The following GLIS3 variants were observed in gnomAD, a reference collection of about 807,000 sequenced individuals.
GLIS3 encodes GLIS family zinc finger 3.
A neutral mutation model predicts 78.6 loss-of-function variants in GLIS3; 53 were observed. The ratio of observed to expected loss-of-function variants is 0.67; its 90% confidence interval spans 0.54 to 0.85. The LOEUF (loss-of-function observed/expected upper bound fraction) is 0.85. GLIS3 is among the 40% of genes least tolerant of loss of function. The pLI is 0.00. For synonymous variants in GLIS3, 684 were observed against 509.9 expected, an observed-to-expected ratio of 1.34 and a Z score of -4.60; for missense variants, 1,703 against 1,231.1, an observed-to-expected ratio of 1.38 and a Z score of -5.74.
intron 2 of GLIS3, among the ~76,000 whole-genome samples, chr9:4,318,389 A>G (rs1817471195): frequency 6.6e-6 from 1 of 152,202 alleles, no homozygotes; most frequent in Non-Finnish European, 1.5e-5. Flanking sequence ...CCTCACTAAA[A>G]GGAAGCACGG....
intron 4 of GLIS3, among the ~76,000 whole-genome samples, chr9:4,087,700 T>A (rs1040519725): frequency 2.0e-5 from 3 of 152,174 alleles, no homozygotes; most frequent in African/African-American, 7.2e-5. Flanking sequence ...TTCATATCGG[T>A]GAAAAAATAT....
chr9:3,869,632 A>T (rs1329373066), intron 8 of GLIS3, among the ~76,000 whole-genome samples: 1 of 152,178 alleles, frequency 6.6e-6, no homozygotes, highest in Admixed American at 6.5e-5. Context: ...AAATCAAGGG[A>T]ATTGTTGCTT....
intron 4 of GLIS3, among the ~76,000 whole-genome samples, chr9:4,064,796 T>C (rs1826956044): frequency 6.6e-6 from 1 of 152,186 alleles, no homozygotes; most frequent in South Asian, 2.1e-4. Flanking sequence ...ATTTCCATTT[T>C]CTCATATAGG....
At chr9:3,985,873 C>A (rs1057354445) in intron 4 of GLIS3, among the ~76,000 whole-genome samples, 1 of 152,184 alleles carries the variant, frequency 6.6e-6, no homozygotes, top group African/African-American at 2.4e-5. Flanking sequence ...CCCTCTAGTT[C>A]CTGGCATTCC....
At chr9:4,028,509 A>G (rs1472444331) in intron 4 of GLIS3, among the ~76,000 whole-genome samples, 1 of 152,206 alleles carries the variant, frequency 6.6e-6, no homozygotes, top group Admixed American at 6.5e-5. Context: ...ATTGAGGTAT[A>G]ACATTCATAT....
At chr9:4,266,968 A>C (rs1826068274) in intron 2 of GLIS3, among the ~76,000 whole-genome samples, 1 of 152,234 alleles carries the variant, frequency 6.6e-6, no homozygotes, top group Admixed American at 6.5e-5. Flanking sequence ...GCTGTGATAT[A>C]ACCCGTTTAT....
the GLIS3 span, among the ~76,000 whole-genome samples, chr9:4,403,354 G>C: frequency 3.9e-5 from 6 of 152,142 alleles, no homozygotes; most frequent in African/African-American, 1.4e-4. Context: ...TGACCAAGAA[G>C]AAATCATCTG....
rs530005727 is a variant in GLIS3, at chr9:4,058,851, A to G, written c.1710+58917T>C. ...AAAAAAATTAGCCGGGTTTGGTGGC[A>G]GGTGCCTGTAATCCCAGCTACTGAG... On this transcript the variant is annotated intron_variant, in intron 4 of 10. Coordinates refer to ENST00000381971, the MANE Select transcript of GLIS3 (RefSeq NM_001042413.2). 6.6e-5 allele frequency among the ~76,000 whole-genome samples: 10 copies of G among 152,182 alleles called. No homozygotes were observed. In the East Asian group the frequency reaches 9.7e-4, roughly 15 times the overall value.
chr9:4,190,240 C>A (rs1157236291), intron 2 of GLIS3, among the ~76,000 whole-genome samples: 1 of 152,144 alleles, frequency 6.6e-6, no homozygotes, highest in South Asian at 2.1e-4. Flanking sequence ...CTCCGAGCTA[C>A]AGGAGGAAAT....
intron 2 of GLIS3, among the ~76,000 whole-genome samples, chr9:4,208,051 T>C (rs1019191908): frequency 3.3e-5 from 5 of 152,200 alleles, no homozygotes; most frequent in African/African-American, 4.8e-5. Flanking sequence ...GTGACTTTTA[T>C]ACCACTAACG....
At chr9:4,137,229 T>A (rs1833469071) in intron 2 of GLIS3, among the ~76,000 whole-genome samples, 1 of 152,220 alleles carries the variant, frequency 6.6e-6, no homozygotes, top group South Asian at 2.1e-4. Context: ...ATTTGGTGAC[T>A]TCATTACAAA....
chr9:4,406,747 A>T, the GLIS3 span, among the ~76,000 whole-genome samples: 2 of 152,192 alleles, frequency 1.3e-5, no homozygotes, highest in Admixed American at 1.3e-4. Flanking sequence ...CAAATACGTG[A>T]AAGATCTCTT....
At chr9:4,455,739 T>G in the GLIS3 span, among the ~76,000 whole-genome samples, 1 of 152,188 alleles carries the variant, frequency 6.6e-6, no homozygotes, top group Admixed American at 6.5e-5. Flanking sequence ...GTGGGGATAT[T>G]GCAGGTTCGG....
At chr9:4,375,604 TA>T in the GLIS3 span, among the ~76,000 whole-genome samples, 1 of 152,198 alleles carries the variant, frequency 6.6e-6, no homozygotes, top group African/African-American at 2.4e-5. Context: ...TGTAAGGATG[TA>T]AAAAGTAACA....
chr9:3,967,016 AAAAAAAAAAAAAAAAAAC>A (rs1817995203), intron 4 of GLIS3, among the ~76,000 whole-genome samples: 1 of 134,818 alleles, frequency 7.4e-6, no homozygotes, highest in African/African-American at 3.1e-5. Context: ...TTCTGCAAAA[AAAAAAAAAAAAAAAAAAC>A]AAAAAAACAT....
the GLIS3 span, among the ~76,000 whole-genome samples, chr9:4,478,412 A>G: frequency 2.6e-5 from 4 of 152,080 alleles, no homozygotes; most frequent in African/African-American, 9.7e-5. Flanking sequence ...GGAGTTTGAA[A>G]CCAGTCTGGC....
intron 2 of GLIS3, among the ~76,000 whole-genome samples, chr9:4,200,230 T>G (rs966451529): frequency 2.0e-5 from 3 of 151,232 alleles, no homozygotes; most frequent in African/African-American, 7.3e-5. Context: ...TGAACTAACC[T>G]CAAACCTAGA....
intron 2 of GLIS3, among the ~76,000 whole-genome samples, chr9:4,262,177 G>C (rs1042101580): frequency 6.6e-6 from 1 of 152,080 alleles, no homozygotes. Context: ...GGGAGAAAAA[G>C]GAAAAGGAGA....
intron 6 of GLIS3, among the ~76,000 whole-genome samples, chr9:3,925,185 A>G (rs1268247744): frequency 6.6e-6 from 1 of 152,232 alleles, no homozygotes; most frequent in Non-Finnish European, 1.5e-5. Context: ...TAAATATAAG[A>G]CTACTCCTTA....
Sources: allele counts gnomAD v4.1 joint callset (sites outside exome capture counted in the v4.1 genomes callset), GRCh38; gene constraint gnomAD v4.1.1; transcripts MANE v1.5; gene names NCBI Gene and HGNC (gene_info 2026-07-23, HGNC 2026-07-21).